Variants in DIP2A observed in about 807,000 individuals in gnomAD.
DIP2A encodes DIP2 acetate--CoA ligase A.
In DIP2A, 85 loss-of-function variants were observed where a neutral mutation model predicts 177.4. That is an observed-to-expected ratio of 0.48 (90% CI 0.40 to 0.57). The LOEUF (loss-of-function observed/expected upper bound fraction) is 0.57. DIP2A is among the 20% of genes least tolerant of loss of function. The probability of loss-of-function intolerance (pLI) is 0.00; values close to 1 mark genes in which losing one functional copy is unlikely to be tolerated. For synonymous variants in DIP2A, 886 were observed against 881.8 expected, an observed-to-expected ratio of 1.00 and a Z score of -0.08; for missense variants, 1,791 against 2,100.2, an observed-to-expected ratio of 0.85 and a Z score of 2.88.
intron 21 of DIP2A, among the ~76,000 whole-genome samples, chr21:46,549,301 A>G (rs2060181256): frequency 6.6e-6 from 1 of 152,264 alleles, no homozygotes; most frequent in Non-Finnish European, 1.5e-5. Flanking sequence ...CAAAGTCTAA[A>G]AGAAGGAAAA....
intron 1 of DIP2A, among the ~76,000 whole-genome samples, chr21:46,483,144 G>A (rs1032967069): frequency 1.3e-5 from 2 of 152,102 alleles, no homozygotes; most frequent in African/African-American, 4.8e-5. Flanking sequence ...TTGAGGAAGG[G>A]TTGGTTTTAA....
chr21:46,499,499 G>A (rs548994437), intron 5 of DIP2A, among the ~76,000 whole-genome samples: 2 of 152,324 alleles, frequency 1.3e-5, no homozygotes, highest in East Asian at 3.9e-4. Context: ...GAATTCTGAG[G>A]TTGGGGTAGA....
chr21:46,492,214 G>T (rs1241252792), intron 3 of DIP2A, among the ~76,000 whole-genome samples: 2 of 152,076 alleles, frequency 1.3e-5, no homozygotes, highest in Non-Finnish European at 2.9e-5. Flanking sequence ...TTGCATGGAG[G>T]TAGTCAGCTG....
intron 1 of DIP2A, among the ~76,000 whole-genome samples, chr21:46,469,859 C>A (rs2055192134): frequency 6.6e-6 from 1 of 152,066 alleles, no homozygotes. Context: ...GTAGTGTGTC[C>A]TCAGTGAGCA....
Position 46,563,858 on chromosome 21 carries a change from A to G in DIP2A, c.4090A>G (p.Ile1364Val). The change falls in exon 35 of 38, where the codon ATC becomes GTC. Residue 1364 changes from isoleucine (I) to valine (V), a missense_variant and splice_region_variant. By Grantham distance (29) the Ile-to-Val change is conservative. Coordinates refer to ENST00000417564, the MANE Select transcript of DIP2A (RefSeq NM_015151.4). The surrounding 1 kb of genome is among the most constrained non-coding windows in gnomAD (Gnocchi z 4.3). ...AGGGACATAGCTCTCCTCCTTCCAG[A>G]TCCTCCCCGGCGTGAAGGTCATCAT... ...HSLPLMESGKILPGVKVIIAH... is the reference protein window; with the variant it reads ...HSLPLMESGKVLPGVKVIIAH... 1 of 1,613,246 alleles carries G rather than the reference A, an allele frequency of 6.2e-7. No individual in the cohort carries two copies. Among genetic ancestry groups the G allele is most frequent in the Non-Finnish European group, 8.5e-7 (1 of 1,179,756 alleles).
intron 5 of DIP2A, among the ~76,000 whole-genome samples, chr21:46,500,606 C>T (rs898261976): frequency 5.3e-5 from 8 of 152,190 alleles, no homozygotes; most frequent in Admixed American, 6.5e-5. Context: ...GCAAACAAAA[C>T]ATTTGTAGTT....
chr21:46,581,621 G>A, the DIP2A span, among the ~76,000 whole-genome samples: 1 of 152,034 alleles, frequency 6.6e-6, no homozygotes, highest in Non-Finnish European at 1.5e-5. Context: ...CTGACCTTTG[G>A]ATGGGGTTTT....
At chr21:46,468,414 A>T (rs1180346822) in intron 1 of DIP2A, among the ~76,000 whole-genome samples, 1 of 31,202 alleles carries the variant, frequency 3.2e-5, no homozygotes, top group Non-Finnish European at 6.7e-5. Flanking sequence ...ACCCTGTCTA[A>T]AAAAAAAAAA....
intron 13 of DIP2A, among the ~76,000 whole-genome samples, chr21:46,535,792 T>C (rs996729504): frequency 3.7e-4 from 56 of 152,188 alleles, no homozygotes; most frequent in Admixed American, 3.5e-3. Context: ...ATTTGGGTTC[T>C]TTAGCCAGGC....
At chr21:46,473,468 G>A (rs916686081) in intron 1 of DIP2A, among the ~76,000 whole-genome samples, 3 of 131,396 alleles carry the variant, frequency 2.3e-5, no homozygotes, top group East Asian at 2.3e-4. Flanking sequence ...GAAAAAAAAA[G>A]GGGGGGGGGC....
intron 2 of DIP2A, among the ~76,000 whole-genome samples, chr21:46,489,098 CGT>C (rs1009256872): frequency 1.5e-4 from 23 of 152,132 alleles, no homozygotes; most frequent in East Asian, 3.9e-4. Flanking sequence ...CACAAACACA[CGT>C]GTGTGTGTGG....
chr21:46,582,710 T>G, the DIP2A span, among the ~76,000 whole-genome samples: 1 of 151,944 alleles, frequency 6.6e-6, no homozygotes. Context: ...CCATTTTCAT[T>G]CTTCTCAGTG....
At chr21:46,561,091 G>A (rs1412174009) in intron 33 of DIP2A, 1 of 884,460 alleles carries the variant, frequency 1.1e-6, no homozygotes, top group African/African-American at 1.8e-5. Context: ...ACACAACCAG[G>A]AAGAATAAGA....
At position 46,563,867 on chromosome 21, in the gene DIP2A, G is replaced by A. The variant is rs775185340; in HGVS notation, c.4099G>A (p.Gly1367Ser). Reference protein sequence around the residue: ...PLMESGKILPGVKVIIAHTET... With the variant: ...PLMESGKILPSVKVIIAHTET... ...GCTCTCCTCCTTCCAGATCCTCCCCGGCGTGAAGGTCATCATCGCACACAC... is the reference window on the plus strand; with the variant it reads ...GCTCTCCTCCTTCCAGATCCTCCCCAGCGTGAAGGTCATCATCGCACACAC... The change falls in exon 35 of 38, where the codon GGC (glycine) becomes AGC (serine). Residue 1367 changes from glycine (G) to serine (S), a missense_variant. Transcript: ENST00000417564. This position sits in a 1 kb window ranked among gnomAD's most constrained non-coding sequence, Gnocchi z 4.3. 5.0e-6 allele frequency: 8 copies of A among 1,613,162 alleles called. No individual in the cohort carries two copies. The highest frequency in any genetic ancestry group is 2.2e-5 in the East Asian group (1 of 44,878).
At chr21:46,465,644 G>A (rs1354824321) in intron 1 of DIP2A, among the ~76,000 whole-genome samples, 1 of 152,050 alleles carries the variant, frequency 6.6e-6, no homozygotes, top group Non-Finnish European at 1.5e-5. Flanking sequence ...GACTCCAAGT[G>A]TCACTGATAG....
intron 2 of DIP2A, among the ~76,000 whole-genome samples, chr21:46,485,936 T>C (rs984402231): frequency 9.9e-5 from 15 of 151,730 alleles, no homozygotes; most frequent in Non-Finnish European, 2.1e-4. Context: ...CCGGGCATGG[T>C]GGTGCGTACC....
chr21:46,523,684 C>T (rs1158240735), intron 8 of DIP2A, among the ~76,000 whole-genome samples: 1 of 151,654 alleles, frequency 6.6e-6, no homozygotes, highest in Admixed American at 6.6e-5. Context: ...GGACTATTCC[C>T]AGAAGAAGTC....
At chr21:46,506,997 GTCTTGAACTCCTCGTC>G (rs957291925) in intron 6 of DIP2A, among the ~76,000 whole-genome samples, 1 of 151,472 alleles carries the variant, frequency 6.6e-6, no homozygotes, top group Non-Finnish European at 1.5e-5. Context: ...GACCAGGCTG[GTCTTGAACTCCTCGTC>G]TCTGCCTGCC....
At chr21:46,499,394 C>CA (rs1433976571) in intron 5 of DIP2A, among the ~76,000 whole-genome samples, 1 of 152,174 alleles carries the variant, frequency 6.6e-6, no homozygotes, top group African/African-American at 2.4e-5. Context: ...CTGTGATCAT[C>CA]ACCCTTGACC....
Sources: allele counts gnomAD v4.1 joint callset (sites outside exome capture counted in the v4.1 genomes callset), GRCh38; gene constraint gnomAD v4.1.1; non-coding constraint Gnocchi (gnomAD v3.1); transcripts MANE v1.5; gene names NCBI Gene and HGNC (gene_info 2026-07-23, HGNC 2026-07-21).